The following PATJ variants were observed in gnomAD, a reference collection of about 807,000 sequenced individuals.
PATJ encodes inaD-like protein.
A neutral mutation model predicts 224.9 loss-of-function variants in PATJ; 190 were observed. The ratio of observed to expected loss-of-function variants is 0.84; its 90% CI spans 0.75 to 0.95. The LOEUF (loss-of-function observed/expected upper bound fraction) is 0.95. Among genes scored for constraint, PATJ ranks in the 40% least tolerant of loss-of-function variants. PATJ has a pLI of 0.00. For missense variants in PATJ, 2,121 were observed against 2,270.3 expected, an observed-to-expected ratio of 0.93 and a Z score of 1.34; for synonymous variants, 769 against 820.3, an observed-to-expected ratio of 0.94 and a Z score of 1.07.
intron 31 of PATJ, among the ~76,000 whole-genome samples, chr1:62,078,307 A>G (rs1658671393): frequency 6.6e-6 from 1 of 152,100 alleles, no homozygotes; most frequent in Non-Finnish European, 1.5e-5. Context: ...TTGGAGACGG[A>G]GTTTCATTCT....
intron 29 of PATJ, among the ~76,000 whole-genome samples, chr1:62,020,661 A>G (rs912813984): frequency 1.3e-5 from 2 of 152,226 alleles, no homozygotes; most frequent in Non-Finnish European, 2.9e-5. Context: ...AATTAATGGT[A>G]TACACAAGAT....
intron 15 of PATJ, among the ~76,000 whole-genome samples, chr1:61,825,843 A>G (rs1163479293): frequency 3.3e-5 from 5 of 152,242 alleles, no homozygotes; most frequent in Admixed American, 3.3e-4. Context: ...ATGTATGGGA[A>G]GAATTCCTGC....
chr1:61,770,430 G>C (rs1646532972), intron 5 of PATJ, among the ~76,000 whole-genome samples: 1 of 152,106 alleles, frequency 6.6e-6, no homozygotes, highest in Non-Finnish European at 1.5e-5. Context: ...GCTTGTCTAG[G>C]CTTCAGTTCC....
chr1:61,787,164 G>A (rs1648733869), intron 7 of PATJ, among the ~76,000 whole-genome samples: 1 of 152,100 alleles, frequency 6.6e-6, no homozygotes, highest in South Asian at 2.1e-4. Context: ...ACAGAAGCTT[G>A]AATTATGTTG....
chr1:61,989,238 A>G (rs552899570), intron 27 of PATJ, among the ~76,000 whole-genome samples: 3 of 152,348 alleles, frequency 2.0e-5, no homozygotes, highest in South Asian at 2.1e-4. Context: ...TAGAACACCT[A>G]TAAACTATGA....
intron 40 of PATJ, 51 bp from the exon 41 acceptor site, chr1:62,128,790 A>G (rs967299068): frequency 3.2e-6 from 4 of 1,268,588 alleles, no homozygotes; most frequent in Non-Finnish European, 4.6e-6. Flanking sequence ...ATTCTTCTCA[A>G]ATTTAATTTT....
intron 1 of PATJ, among the ~76,000 whole-genome samples, chr1:61,747,174 G>C (rs996104619): frequency 5.3e-5 from 8 of 151,604 alleles, no homozygotes; most frequent in African/African-American, 1.4e-4. Context: ...CTTGGTATTT[G>C]CATGACCATT....
In PATJ at chr1:62,160,930, G is replaced by A. The variant is rs765172796; in HGVS notation, c.5525G>A (p.Arg1842Gln). The change falls in exon 44 of 44, where the codon CGA becomes CAA. Residue 1842 changes from arginine to glutamine, a missense_variant. Arg to Gln is a conservative substitution (Grantham distance 43). Transcript: ENST00000642238. Reference protein sequence around the residue: ...FAKGAAADDGRLKRGDQILAV... With the variant: ...FAKGAAADDGQLKRGDQILAV... ...TAGGGAGCAGCTGCAGATGACGGCC[G>A]ATTAAAACGAGGGGATCAGATTTTA... 17 of 1,613,812 alleles carry A rather than the reference G, an allele frequency of 1.1e-5. No individual in the cohort carries two copies. Among genetic ancestry groups the A allele is most frequent in the Non-Finnish European group, 1.3e-5 (15 of 1,179,974 alleles).
intron 4 of PATJ, among the ~76,000 whole-genome samples, chr1:61,767,029 G>A (rs2148329469): frequency 6.6e-6 from 1 of 152,186 alleles, no homozygotes; most frequent in East Asian, 1.9e-4. Flanking sequence ...AGAGGCGGAG[G>A]TTGCAGTGAG....
intron 39 of PATJ, among the ~76,000 whole-genome samples, chr1:62,124,225 G>A (rs1189624088): frequency 6.6e-6 from 1 of 152,068 alleles, no homozygotes. Context: ...TGAGACTACA[G>A]GCACACACCA....
chr1:62,079,611 A>C lies in PATJ; in HGVS notation c.4243+44A>C, dbSNP rs751223381. ...GCAGATCTGGCTCATTAAGCCTTAG[A>C]GAAGGCAAGGGATCATAATGTCCTA... On this transcript the variant is annotated intron_variant, in intron 32 of 43. Transcript: ENST00000642238. 5.6e-5 allele frequency: 71 copies of C among 1,264,960 alleles called. No individual in the cohort carries two copies. In the South Asian group the frequency reaches 8.3e-4, roughly 15 times the overall value. 78.4% of individuals were successfully genotyped at this position (1,264,960 alleles called of 1,614,324 possible).
At chr1:62,026,441 A>T (rs2148444140) in intron 29 of PATJ, among the ~76,000 whole-genome samples, 1 of 149,916 alleles carries the variant, frequency 6.7e-6, no homozygotes, top group Middle Eastern at 3.4e-3. Flanking sequence ...AGTTGTGTTG[A>T]TGTGTTCATT....
At chr1:62,110,188 G>A (rs1277779852) in intron 34 of PATJ, among the ~76,000 whole-genome samples, 1 of 152,242 alleles carries the variant, frequency 6.6e-6, no homozygotes, top group Non-Finnish European at 1.5e-5. Flanking sequence ...GTTCATGAGA[G>A]TCTAACACTT....
At chr1:62,148,451 C>A in intron 42 of PATJ, 61 bp downstream of exon 42, 2 of 1,229,594 alleles carry the variant, frequency 1.6e-6, no homozygotes, top group Non-Finnish European at 2.4e-6. Flanking sequence ...AAGAACTTTT[C>A]CAGACACTCA....
intron 39 of PATJ, 127 bp downstream of exon 39, chr1:62,123,185 G>A: frequency 3.1e-6 from 2 of 649,954 alleles, no homozygotes; most frequent in African/African-American, 1.9e-5. Context: ...ATAAAAATAT[G>A]GTCTAAATAA....
chr1:62,013,380 A>G, intron 28 of PATJ: 1 of 985,282 alleles, frequency 1.0e-6, no homozygotes, highest in Non-Finnish European at 1.2e-6. Flanking sequence ...GTGAAAGCCT[A>G]CTCGCAGTTG....
intron 13 of PATJ, among the ~76,000 whole-genome samples, chr1:61,807,055 G>A (rs2148621518): frequency 6.6e-6 from 1 of 152,262 alleles, no homozygotes; most frequent in South Asian, 2.1e-4. Context: ...AGGAGGCTGA[G>A]GCAGGAGAAT....
intron 26 of PATJ, among the ~76,000 whole-genome samples, chr1:61,916,871 G>T (rs66606678): frequency 4.1e-4 from 63 of 152,162 alleles, no homozygotes; most frequent in African/African-American, 1.4e-3. Context: ...GTCCAAAACT[G>T]TCCTCTTGTG....
At position 62,062,103 on chromosome 1, in the gene PATJ, A is replaced by G. The variant is rs189335166; in HGVS notation, c.4125+11045A>G. Among the ~76,000 whole-genome samples the G allele has an allele frequency of 3.0e-3, 462 of 152,284 alleles. 1 individual carries two copies. The highest frequency in any genetic ancestry group is 4.8e-3 in the Non-Finnish European group (329 of 68,020). ...TAACTTATTTTCCTTTGGTTATGTA[A>G]CCAGTAATGGGATTACTGGGTTGAA... On this transcript the variant is annotated intron_variant, in intron 31 of 43. Coordinates refer to ENST00000642238, the MANE Select transcript of PATJ (RefSeq NM_001350145.3).
Sources: gnomAD v4.1 joint callset for allele counts (sites outside exome capture counted in the v4.1 genomes callset) on GRCh38, gnomAD v4.1.1 for gene constraint, MANE v1.5 for transcripts, NCBI Gene and HGNC (gene_info 2026-07-23, HGNC 2026-07-21) for gene names.